The following SOBP variants were observed in gnomAD, a reference collection of about 807,000 sequenced individuals.
The protein encoded by SOBP is sine oculis-binding protein homolog.
Under a neutral mutation model 53.6 loss-of-function variants are expected in SOBP, and 4 were observed. That is an observed-to-expected ratio of 0.07 (90% CI 0.04 to 0.17). SOBP has a LOEUF of 0.17. Among genes scored for constraint, SOBP ranks in the 10% least tolerant of loss-of-function variants. SOBP has a pLI of 1.00. For synonymous variants in SOBP, 584 were observed against 522.6 expected (o/e 1.12, Z -1.60); for missense variants, 1,088 against 1,204.7 (o/e 0.90, Z 1.43).
In SOBP at chr6:107,490,265, GGCGGCGGGA is replaced by G. The variant is rs1471818403; in HGVS notation, c.-346_-338del. 1 of 148,110 alleles carries G rather than the reference GGCGGCGGGA, an allele frequency of 6.8e-6. No homozygotes were observed. Among genetic ancestry groups the G allele is most frequent in the Non-Finnish European group, 1.5e-5 (1 of 66,424 alleles). 9.2% of individuals were successfully genotyped at this position (148,110 alleles called of 1,614,324 possible). A position where few individuals can be genotyped will look rare whatever the true frequency, so the allele number is the denominator to read the frequency against. On this transcript the variant is annotated 5_prime_UTR_variant, in exon 1 of 7. Coordinates refer to ENST00000317357, the MANE Select transcript of SOBP (RefSeq NM_018013.4). Reference sequence around the variant, plus strand: ...CCCGAGGATGCGGCCCGGCGGCGGCGGCGGCGGGAGCGGCAGCGGCAGCGAGGGCGGCAG... The same window carrying G: ...CCCGAGGATGCGGCCCGGCGGCGGCGGCGGCAGCGGCAGCGAGGGCGGCAG...
chr6:107,627,642 GACAA>G (rs891126380), intron 5 of SOBP, among the ~76,000 whole-genome samples: 12 of 152,144 alleles, frequency 7.9e-5, no homozygotes, highest in African/African-American at 1.7e-4. Context: ...AAGCAAAACA[GACAA>G]ACAAACAAAA....
At chr6:107,523,407 G>A (rs1185775088) in intron 3 of SOBP, among the ~76,000 whole-genome samples, 1 of 152,240 alleles carries the variant, frequency 6.6e-6, no homozygotes, top group Non-Finnish European at 1.5e-5. Context: ...GTTCTAGTAG[G>A]TTCATCTTGC....
Position 107,646,668 on chromosome 6 carries a change from C to G in SOBP, c.*3+11199C>G, listed in dbSNP as rs1044850243. On this transcript the variant is annotated intron_variant, in intron 6 of 6. Transcript: ENST00000317357. ...CAGAATCAGATCCTCCCATGGCCTG[C>G]GGCTACTTTTAAGAAAGTTTGGCAA... Among the ~76,000 whole-genome samples the G allele has an allele frequency of 3.3e-5, 5 of 152,324 alleles. No homozygotes were observed. The East Asian group carries it at 7.7e-4, about 23-fold the overall frequency.
At chr6:107,647,606 C>T (rs1227804586) in intron 6 of SOBP, among the ~76,000 whole-genome samples, 1 of 152,200 alleles carries the variant, frequency 6.6e-6, no homozygotes, top group Non-Finnish European at 1.5e-5. Context: ...GTTAGGGAAA[C>T]CATTCCAGAA....
At chr6:107,642,414 A>G (rs557946335) in intron 6 of SOBP, among the ~76,000 whole-genome samples, 1 of 152,386 alleles carries the variant, frequency 6.6e-6, no homozygotes, top group South Asian at 2.1e-4. Context: ...TTATTCTCTA[A>G]TGCTTTAAAA....
intron 3 of SOBP, among the ~76,000 whole-genome samples, chr6:107,527,993 G>T (rs1351790874): frequency 6.6e-6 from 1 of 152,132 alleles, no homozygotes; most frequent in Non-Finnish European, 1.5e-5. Flanking sequence ...GGTTGCCCTA[G>T]CTCTTTCCAA....
At chr6:107,644,797 A>AT (rs1170176053) in intron 6 of SOBP, among the ~76,000 whole-genome samples, 4 of 152,272 alleles carry the variant, frequency 2.6e-5, no homozygotes. Context: ...GGGTTTGAAA[A>AT]TTAAGGCCAA....
At chr6:107,538,223 G>A (rs552295370) in intron 4 of SOBP, among the ~76,000 whole-genome samples, 31 of 152,240 alleles carry the variant, frequency 2.0e-4, no homozygotes, top group African/African-American at 6.7e-4. Context: ...AATATATCCT[G>A]GGAAAGATTT....
chr6:107,541,748 C>T (rs1784152329), intron 4 of SOBP, among the ~76,000 whole-genome samples: 1 of 152,104 alleles, frequency 6.6e-6, no homozygotes, highest in Non-Finnish European at 1.5e-5. Context: ...TATGACTGCA[C>T]ATCTAAATCT....
chr6:107,614,375 T>A (rs564706334), intron 5 of SOBP, among the ~76,000 whole-genome samples: 4 of 152,070 alleles, frequency 2.6e-5, no homozygotes, highest in South Asian at 2.1e-4. Flanking sequence ...TCTTAAAAAA[T>A]ATATATATGA....
intron 3 of SOBP, among the ~76,000 whole-genome samples, chr6:107,525,187 T>C (rs549699447): frequency 1.4e-4 from 21 of 152,306 alleles, no homozygotes; most frequent in Non-Finnish European, 7.4e-5. Context: ...TATTCCAGTT[T>C]CTTAGGGTGA....
chr6:107,621,804 A>T (rs1173372129), intron 5 of SOBP, among the ~76,000 whole-genome samples: 8 of 152,198 alleles, frequency 5.3e-5, no homozygotes, highest in Non-Finnish European at 1.2e-4. Flanking sequence ...AGCCTGGCCC[A>T]AAAACCTCCT....
chr6:107,525,290 G>C (rs1238935405), intron 3 of SOBP, among the ~76,000 whole-genome samples: 1 of 152,210 alleles, frequency 6.6e-6, no homozygotes, highest in Non-Finnish European at 1.5e-5. Context: ...TCACTGGCAA[G>C]TCAGTGAAAT....
chr6:107,505,715 A>T lies in SOBP; in HGVS notation c.236-527A>T, dbSNP rs146099617. Among the ~76,000 whole-genome samples, 5 of 152,224 alleles carry T rather than the reference A, an allele frequency of 3.3e-5. No homozygotes were observed. The East Asian group carries it at 9.6e-4, about 29-fold the overall frequency. ...ACCCAGGCTGGAGTGCAGTAGCATG[A>T]TCTCAGCTCACTGCAACCTCGGCCT... is the stretch of plus-strand genomic sequence containing the variant. On this transcript the variant is annotated intron_variant, in intron 2 of 6. Coordinates refer to ENST00000317357, the MANE Select transcript of SOBP (RefSeq NM_018013.4).
chr6:107,598,392 T>C (rs1786026248), intron 5 of SOBP, among the ~76,000 whole-genome samples: 1 of 152,104 alleles, frequency 6.6e-6, no homozygotes, highest in Admixed American at 6.5e-5. Flanking sequence ...GGCTTGCCCT[T>C]GGAGGGTGCG....
rs149430888 is a variant in SOBP, at chr6:107,552,710, T to G, written c.573+19100T>G. 6.0e-3 allele frequency among the ~76,000 whole-genome samples: 912 copies of G among 151,872 alleles called. 13 individuals are homozygous for G. Among genetic ancestry groups the G allele is most frequent in the African/African-American group, 0.021 (878 of 41,390 alleles). ...CAAGGATTGGCCAACATCAGGGGAG[T>G]TGATGGGAGAACATCTTGGCTACCA... On this transcript the variant is annotated intron_variant, in intron 4 of 6. Coordinates refer to ENST00000317357, the MANE Select transcript of SOBP (RefSeq NM_018013.4).
At chr6:107,536,411 G>A (rs888996062) in intron 4 of SOBP, among the ~76,000 whole-genome samples, 2 of 152,164 alleles carry the variant, frequency 1.3e-5, no homozygotes, top group African/African-American at 4.8e-5. Context: ...ACACACGCTT[G>A]GGTGTAGAGT....
At chr6:107,567,230 G>A (rs1205374180) in intron 4 of SOBP, among the ~76,000 whole-genome samples, 6 of 152,132 alleles carry the variant, frequency 3.9e-5, no homozygotes, top group South Asian at 4.1e-4. Context: ...TTGGGAAGAC[G>A]GACACATTTT....
At chr6:107,650,764 T>C (rs1771770226) in intron 6 of SOBP, among the ~76,000 whole-genome samples, 1 of 152,214 alleles carries the variant, frequency 6.6e-6, no homozygotes, top group African/African-American at 2.4e-5. Context: ...AATTCTATGA[T>C]GGCCTCTAAA....
Sources: allele counts gnomAD v4.1 joint callset (sites outside exome capture counted in the v4.1 genomes callset), GRCh38; gene constraint gnomAD v4.1.1; transcripts MANE v1.5; gene names NCBI Gene and HGNC (gene_info 2026-07-23, HGNC 2026-07-21).